Variants in PCDHA3 observed in about 807,000 individuals in gnomAD.
The protein encoded by PCDHA3 is protocadherin alpha-3.
A neutral mutation model predicts 62.2 loss-of-function variants in PCDHA3; 41 were observed. That is an observed-to-expected ratio of 0.66 (90% CI 0.51 to 0.86). The LOEUF is 0.86. Ranked by LOEUF, PCDHA3 falls within the 40% of genes least tolerant of loss-of-function variation. PCDHA3 has a pLI of 0.00. For missense variants in PCDHA3, 1,304 were observed against 1,241.2 expected, an observed-to-expected ratio of 1.05 and a Z score of -0.76; for synonymous variants, 640 against 555.4, an observed-to-expected ratio of 1.15 and a Z score of -2.14.
At chr5:140,929,821 C>G (rs2086398950) in intron 1 of PCDHA3, 1 of 157,208 alleles carries the variant, frequency 6.4e-6, no homozygotes, top group Non-Finnish European at 1.4e-5. Context: ...AGAAAGGGAA[C>G]ATAAGAGAAC....
chr5:140,953,913 G>A (rs2094950683), intron 1 of PCDHA3, among the ~76,000 whole-genome samples: 1 of 152,104 alleles, frequency 6.6e-6, no homozygotes, highest in African/African-American at 2.4e-5. Flanking sequence ...CATCCATTAG[G>A]TATTCTTCCT....
rs2150350552 is a variant in PCDHA3 at position 140,843,029 on chromosome 5, G to A, written c.2394+39438G>A. ...CGCGCCGGCACTGCTGGAGCCTCGG[G>A]TGGGTGGCACTGGTGGCGCAGCGAG... On this transcript the variant is annotated intron_variant, in intron 1 of 3. Coordinates refer to ENST00000522353, the MANE Select transcript of PCDHA3 (RefSeq NM_018906.3). 4.4e-6 allele frequency: 7 copies of A among 1,595,258 alleles called. 1 individual carries two copies. Among genetic ancestry groups the A allele is most frequent in the Middle Eastern group, 1.7e-4 (1 of 5,902 alleles).
chr5:140,819,080 C>A (rs1036053903), intron 1 of PCDHA3, among the ~76,000 whole-genome samples: 1 of 152,100 alleles, frequency 6.6e-6, no homozygotes, highest in Admixed American at 6.5e-5. Flanking sequence ...ATACAGGCAG[C>A]GCTAAGATGT....
intron 1 of PCDHA3, among the ~76,000 whole-genome samples, chr5:140,911,789 G>A (rs1399185754): frequency 6.6e-6 from 1 of 152,024 alleles, no homozygotes; most frequent in Non-Finnish European, 1.5e-5. Flanking sequence ...GCATTTTTGG[G>A]TCTAATCATA....
intron 1 of PCDHA3, chr5:140,823,923 G>A (rs1767928713): frequency 6.2e-6 from 10 of 1,614,002 alleles, no homozygotes; most frequent in Non-Finnish European, 7.6e-6. Context: ...CGCTGCTGCT[G>A]TACACCGCGC....
chr5:140,828,622 C>T lies in PCDHA3; in HGVS notation c.2394+25031C>T. 7.4e-6 allele frequency: 12 copies of T among 1,614,144 alleles called. 1 individual carries two copies. In the South Asian group the frequency reaches 1.3e-4, roughly 18 times the overall value. On this transcript the variant is annotated intron_variant, in intron 1 of 3. Transcript: ENST00000522353. ...CCTATAAACTCAGTTCTAGCGAATA[C>T]TTCGGGCTAGATGTGAAAATAAACA...
chr5:140,890,409 A>G (rs1554184285), intron 1 of PCDHA3, among the ~76,000 whole-genome samples: 1 of 152,174 alleles, frequency 6.6e-6, no homozygotes, highest in Non-Finnish European at 1.5e-5. Context: ...TTTAACTTGA[A>G]TATTTATTTA....
At chr5:140,984,631 T>C (rs1400847452) in intron 3 of PCDHA3, among the ~76,000 whole-genome samples, 1 of 152,192 alleles carries the variant, frequency 6.6e-6, no homozygotes, top group Non-Finnish European at 1.5e-5. Flanking sequence ...TTAAAGGGAT[T>C]CTCTGCCTTC....
At chr5:140,808,056 AATCCAAGTTTCACATAG>A in intron 1 of PCDHA3, 1 of 1,614,090 alleles carries the variant, frequency 6.2e-7, no homozygotes, top group South Asian at 1.1e-5. Flanking sequence ...CCAAATGTGA[AATCCAAGTTTCACATAG>A]ATCCAATTAC....
intron 1 of PCDHA3, among the ~76,000 whole-genome samples, chr5:140,855,209 T>C (rs951600231): frequency 6.7e-6 from 1 of 149,880 alleles, no homozygotes; most frequent in Non-Finnish European, 1.5e-5. Flanking sequence ...TAGTTTCCAT[T>C]TATGAAGCAC....
chr5:140,998,679 C>G (rs969303770), intron 3 of PCDHA3, among the ~76,000 whole-genome samples: 1 of 152,136 alleles, frequency 6.6e-6, no homozygotes, highest in Non-Finnish European at 1.5e-5. Flanking sequence ...ATTCTCCTGC[C>G]TCAGCCTCCC....
At chr5:140,837,516 C>CT (rs1554136502) in intron 1 of PCDHA3, among the ~76,000 whole-genome samples, 2 of 151,568 alleles carry the variant, frequency 1.3e-5, no homozygotes, top group African/African-American at 4.9e-5. Flanking sequence ...AAGCAGTTTA[C>CT]TTTTTTTGTA....
intron 1 of PCDHA3, chr5:140,882,602 A>T: frequency 6.2e-7 from 1 of 1,614,276 alleles, no homozygotes; most frequent in Non-Finnish European, 8.5e-7. Flanking sequence ...GATCGTGGAC[A>T]GGCCTCTGCA....
intron 1 of PCDHA3, chr5:140,883,195 T>G (rs781816525): frequency 6.2e-7 from 1 of 1,613,904 alleles, no homozygotes; most frequent in Non-Finnish European, 8.5e-7. Flanking sequence ...GCAAACTAGA[T>G]TTCGAAGAAA....
rs189936741 is a variant in PCDHA3, at chr5:140,928,492, C to T, written c.2395-50457C>T. The T allele has an allele frequency of 1.5e-5, 24 of 1,614,150 alleles. No individual in the cohort carries two copies. In the East Asian group the frequency reaches 5.3e-4, roughly 36 times the overall value. ...AGAAGGCCGGGATGGTGGCATTCCT[C>T]CCAGAAGTGCAACAGTGACTATAAA... On this transcript the variant is annotated intron_variant, in intron 1 of 3. Transcript: ENST00000522353.
intron 3 of PCDHA3, among the ~76,000 whole-genome samples, chr5:140,984,822 AC>A (rs1398539032): frequency 6.6e-6 from 1 of 152,126 alleles, no homozygotes; most frequent in Non-Finnish European, 1.5e-5. Flanking sequence ...TTTCTTAATT[AC>A]CCTTTCTGTA....
chr5:140,904,134 C>T (rs1583515585), intron 1 of PCDHA3, among the ~76,000 whole-genome samples: 2 of 152,002 alleles, frequency 1.3e-5, no homozygotes, highest in Admixed American at 6.6e-5. Flanking sequence ...ACCCATCACC[C>T]GAGCAGTATA....
intron 1 of PCDHA3, chr5:140,864,514 A>ATTTTACTTCTTAATT (rs2048501242): frequency 6.6e-6 from 1 of 152,082 alleles, no homozygotes; most frequent in African/African-American, 2.4e-5. Context: ...TTTAAAGGTG[A>ATTTTACTTCTTAATT]TTTTACTTCT....
rs2150493815 is a variant in PCDHA3 at position 140,850,683 on chromosome 5, G to A, written c.2394+47092G>A. 6 of 1,598,480 alleles carry A rather than the reference G, an allele frequency of 3.8e-6. No individual in the cohort carries two copies. The East Asian group carries it at 1.1e-4, about 30-fold the overall frequency. On this transcript the variant is annotated intron_variant, in intron 1 of 3. Coordinates refer to ENST00000522353, the MANE Select transcript of PCDHA3 (RefSeq NM_018906.3). ...GCGGTGCTCGGCGATGCCCACCGAG[G>A]GCGAGTGCGCGCCTGGCAAGCCGAC...
Sources: allele counts gnomAD v4.1 joint callset (sites outside exome capture counted in the v4.1 genomes callset), GRCh38; gene constraint gnomAD v4.1.1; transcripts MANE v1.5; gene names NCBI Gene and HGNC (gene_info 2026-07-23, HGNC 2026-07-21).